Variants in CDH12 observed in about 807,000 individuals in gnomAD.
CDH12 encodes the protein cadherin-12.
A neutral mutation model predicts 74.1 loss-of-function variants in CDH12; 41 were observed. The observed-to-expected ratio is 0.55, with a 90% CI of 0.43 to 0.72. The LOEUF (loss-of-function observed/expected upper bound fraction) is 0.72, where lower values mean the gene tolerates loss of function less well. Among genes scored for constraint, CDH12 ranks in the 30% least tolerant of loss-of-function variants. The pLI, the probability that CDH12 is intolerant of heterozygous loss-of-function variation, is 0.00. For synonymous variants in CDH12, 399 were observed against 355.0 expected (o/e 1.12, Z -1.39); for missense variants, 945 against 977.2 (o/e 0.97, Z 0.44).
chr5:22,230,969 C>T (rs1752361066), intron 3 of CDH12, among the ~76,000 whole-genome samples: 1 of 152,086 alleles, frequency 6.6e-6, no homozygotes, highest in Admixed American at 6.6e-5. Flanking sequence ...GTTATTTTAC[C>T]GTTTTCAAAT....
At chr5:21,856,259 T>C in intron 6 of CDH12, among the ~76,000 whole-genome samples, 1 of 151,800 alleles carries the variant, frequency 6.6e-6, no homozygotes, top group South Asian at 2.1e-4. Context: ...AAATCAACAG[T>C]TTATTAAGAG....
chr5:22,823,561 T>A (rs1281535801), intron 1 of CDH12, among the ~76,000 whole-genome samples: 1 of 152,102 alleles, frequency 6.6e-6, no homozygotes, highest in Non-Finnish European at 1.5e-5. Flanking sequence ...TATGTCTTCA[T>A]TAGCCGCATG....
chr5:22,641,733 A>G (rs745473366), intron 1 of CDH12, among the ~76,000 whole-genome samples: 4 of 152,158 alleles, frequency 2.6e-5, no homozygotes, highest in Non-Finnish European at 5.9e-5. Flanking sequence ...TGCTATTCAA[A>G]TATCAATGAG....
chr5:21,970,732 C>T lies in CDH12; in HGVS notation c.526+4359G>A, dbSNP rs191251976. Among the ~76,000 whole-genome samples, 215 of 148,394 alleles carry T rather than the reference C, an allele frequency of 1.4e-3. 1 individual carries two copies. The highest frequency in any genetic ancestry group is 5.4e-3 in the South Asian group (25 of 4,662). On this transcript the variant is annotated intron_variant, in intron 6 of 14. Coordinates refer to ENST00000382254, the MANE Select transcript of CDH12 (RefSeq NM_004061.5). ...GTGCACACCTGTAATCCCAGTTACT[C>T]GAGAAGCTGAGGCAGGAGAATCACT...
At chr5:22,489,690 CTTT>C (rs753962922) in intron 2 of CDH12, among the ~76,000 whole-genome samples, 6 of 120,648 alleles carry the variant, frequency 5.0e-5, no homozygotes, top group Admixed American at 8.6e-5. Flanking sequence ...TGCAGTGTAA[CTTT>C]TTTTTTTTTT....
chr5:21,787,385 G>A (rs1191998522), intron 10 of CDH12, among the ~76,000 whole-genome samples: 2 of 151,354 alleles, frequency 1.3e-5, no homozygotes, highest in African/African-American at 4.9e-5. Context: ...ACTTGCTGAA[G>A]GCTCAGGTGA....
At chr5:21,897,755 T>G (rs898721289) in intron 6 of CDH12, among the ~76,000 whole-genome samples, 13 of 152,224 alleles carry the variant, frequency 8.5e-5, no homozygotes, top group Non-Finnish European at 1.3e-4. Flanking sequence ...TCAGAGCTAT[T>G]TTGAAAATGA....
intron 1 of CDH12, among the ~76,000 whole-genome samples, chr5:22,631,078 CAAT>C (rs765321264): frequency 2.4e-4 from 36 of 152,016 alleles, no homozygotes; most frequent in Non-Finnish European, 4.9e-4. Context: ...ATCAAAACAA[CAAT>C]GAGATACCAG....
chr5:21,791,690 A>T (rs1746507903), intron 10 of CDH12, among the ~76,000 whole-genome samples: 1 of 151,964 alleles, frequency 6.6e-6, no homozygotes, highest in Non-Finnish European at 1.5e-5. Flanking sequence ...GCTAAAAAAA[A>T]AAAAGGTTTT....
At chr5:22,112,447 T>C (rs888799242) in intron 4 of CDH12, among the ~76,000 whole-genome samples, 53 of 152,310 alleles carry the variant, frequency 3.5e-4, no homozygotes, top group African/African-American at 1.3e-3. Flanking sequence ...CTTTTGATTA[T>C]GTTTTTTAGT....
At chr5:22,765,214 G>T (rs1302628525) in intron 1 of CDH12, among the ~76,000 whole-genome samples, 1 of 151,752 alleles carries the variant, frequency 6.6e-6, no homozygotes, top group African/African-American at 2.4e-5. Flanking sequence ...ATTATTAAAG[G>T]AAGCCCACAC....
At chr5:21,801,475 G>A (rs1014987490) in intron 10 of CDH12, among the ~76,000 whole-genome samples, 6 of 144,274 alleles carry the variant, frequency 4.2e-5, no homozygotes, top group Non-Finnish European at 8.0e-5. Flanking sequence ...AAAACATACT[G>A]CTGGGTCAAT....
At chr5:22,750,115 A>C (rs908784399) in intron 1 of CDH12, among the ~76,000 whole-genome samples, 5 of 152,174 alleles carry the variant, frequency 3.3e-5, no homozygotes, top group Non-Finnish European at 5.9e-5. Flanking sequence ...ATCTTATAGT[A>C]GATATATTTG....
At chr5:22,617,714 C>T (rs1737760667) in intron 1 of CDH12, among the ~76,000 whole-genome samples, 2 of 152,034 alleles carry the variant, frequency 1.3e-5, no homozygotes, top group African/African-American at 4.8e-5. Context: ...TTGTTTTCTT[C>T]CATCTGAACA....
At chr5:22,618,369 G>T (rs1390315948) in intron 1 of CDH12, among the ~76,000 whole-genome samples, 1 of 152,068 alleles carries the variant, frequency 6.6e-6, no homozygotes, top group African/African-American at 2.4e-5. Context: ...AACATTACAA[G>T]GACCTACAGT....
intron 1 of CDH12, among the ~76,000 whole-genome samples, chr5:22,620,837 AT>A (rs1737934735): frequency 6.6e-6 from 1 of 152,194 alleles, no homozygotes; most frequent in African/African-American, 2.4e-5. Context: ...ATTATAATGG[AT>A]ATTCCAAAAT....
At chr5:21,887,361 CA>C (rs1328746903) in intron 6 of CDH12, among the ~76,000 whole-genome samples, 1 of 152,050 alleles carries the variant, frequency 6.6e-6, no homozygotes, top group Admixed American at 6.6e-5. Flanking sequence ...ACTATAATAT[CA>C]AAGCTATAAC....
At chr5:22,782,398 A>C (rs1156982326) in intron 1 of CDH12, among the ~76,000 whole-genome samples, 1 of 151,996 alleles carries the variant, frequency 6.6e-6, no homozygotes, top group Non-Finnish European at 1.5e-5. Context: ...TTCTCATGAG[A>C]TCTGATGGTT....
intron 1 of CDH12, among the ~76,000 whole-genome samples, chr5:22,663,957 C>G (rs2126901934): frequency 6.6e-6 from 1 of 151,954 alleles, no homozygotes; most frequent in East Asian, 1.9e-4. Context: ...ATAAGTCACA[C>G]AAATTTCCTG....
Sources: allele counts gnomAD v4.1 joint callset (sites outside exome capture counted in the v4.1 genomes callset), GRCh38; gene constraint gnomAD v4.1.1; transcripts MANE v1.5; gene names NCBI Gene and HGNC (gene_info 2026-07-23, HGNC 2026-07-21).